FTCDNL1: variants seen among roughly 807,000 people sequenced by gnomAD.
FTCDNL1 encodes the protein formiminotransferase N-terminal subdomain-containing protein.
Under a neutral mutation model 5.9 loss-of-function variants are expected in FTCDNL1, and 11 were observed. The observed-to-expected ratio is 1.87, with a 90% CI of 1.18 to 3.10. The LOEUF is 3.10. Among genes scored for constraint, FTCDNL1 ranks in the 30% most tolerant of loss-of-function variants. The pLI is 0.00. For missense variants in FTCDNL1, 115 were observed against 65.5 expected, an observed-to-expected ratio of 1.76 and a Z score of -2.61; for synonymous variants, 58 against 24.8, an observed-to-expected ratio of 2.34 and a Z score of -3.99.
At chr2:199,753,341 G>A in the FTCDNL1 span, among the ~76,000 whole-genome samples, 13 of 152,210 alleles carry the variant, frequency 8.5e-5, no homozygotes, top group Non-Finnish European at 1.5e-4. Context: ...CAGGAAGATC[G>A]AGAGGAGGTG....
chr2:199,682,091 G>A, the FTCDNL1 span, among the ~76,000 whole-genome samples: 1 of 152,158 alleles, frequency 6.6e-6, no homozygotes, highest in South Asian at 2.1e-4. Flanking sequence ...CAGAAATGTG[G>A]CCAAACACTA....
At chr2:199,722,045 G>A in the FTCDNL1 span, among the ~76,000 whole-genome samples, 20 of 152,262 alleles carry the variant, frequency 1.3e-4, no homozygotes, top group South Asian at 3.9e-3. Context: ...CAGATGGATA[G>A]ACTGCAAGAA....
At chr2:199,829,886 C>A (rs1702259549) in intron 3 of FTCDNL1, among the ~76,000 whole-genome samples, 1 of 152,094 alleles carries the variant, frequency 6.6e-6, no homozygotes, top group Non-Finnish European at 1.5e-5. Flanking sequence ...AAGTTAAATT[C>A]TCTTTTCTGT....
chr2:199,771,204 C>A (rs761356185), intron 3 of FTCDNL1, among the ~76,000 whole-genome samples: 1 of 152,168 alleles, frequency 6.6e-6, no homozygotes, highest in Non-Finnish European at 1.5e-5. Context: ...ATTGTCACTA[C>A]GAGTCAACTA....
intron 3 of FTCDNL1, among the ~76,000 whole-genome samples, chr2:199,773,680 T>C (rs58952852): frequency 0.044 from 6,679 of 152,264 alleles, 344 homozygotes; most frequent in Admixed American, 0.13. Flanking sequence ...TTTAATTGTA[T>C]AGATTGAGTG....
the FTCDNL1 span, among the ~76,000 whole-genome samples, chr2:199,677,411 AG>A: frequency 6.6e-6 from 1 of 152,188 alleles, no homozygotes; most frequent in Non-Finnish European, 1.5e-5. Flanking sequence ...TACAGAAAAA[AG>A]TGATCATGCC....
At chr2:199,836,638 A>G (rs941478100) in intron 3 of FTCDNL1, among the ~76,000 whole-genome samples, 1 of 152,176 alleles carries the variant, frequency 6.6e-6, no homozygotes, top group South Asian at 2.1e-4. Context: ...ATGGTGGTAC[A>G]TGCTGTAGTT....
At chr2:199,747,256 T>C in the FTCDNL1 span, among the ~76,000 whole-genome samples, 1 of 152,134 alleles carries the variant, frequency 6.6e-6, no homozygotes, top group Non-Finnish European at 1.5e-5. Flanking sequence ...AGCTCAAATG[T>C]TCGAAAATTC....
chr2:199,680,251 G>T, the FTCDNL1 span, among the ~76,000 whole-genome samples: 1 of 152,196 alleles, frequency 6.6e-6, no homozygotes, highest in Non-Finnish European at 1.5e-5. Context: ...GCAAACCATT[G>T]TAATGTGATA....
At chr2:199,845,587 A>G (rs1467271049) in intron 3 of FTCDNL1, among the ~76,000 whole-genome samples, 1 of 151,958 alleles carries the variant, frequency 6.6e-6, no homozygotes, top group African/African-American at 2.4e-5. Context: ...AAAAAAGATA[A>G]TCTGTCCTAT....
intron 3 of FTCDNL1, among the ~76,000 whole-genome samples, chr2:199,835,970 CTTTT>C (rs1702709307): frequency 6.6e-6 from 1 of 152,092 alleles, no homozygotes; most frequent in Admixed American, 6.5e-5. Flanking sequence ...CTTAAGAGAC[CTTTT>C]ACCTAGGTGA....
chr2:199,747,258 C>T, the FTCDNL1 span, among the ~76,000 whole-genome samples: 8 of 152,106 alleles, frequency 5.3e-5, no homozygotes, highest in Non-Finnish European at 1.2e-4. Context: ...CTCAAATGTT[C>T]GAAAATTCAT....
chr2:199,717,831 A>G, the FTCDNL1 span, among the ~76,000 whole-genome samples: 9 of 151,978 alleles, frequency 5.9e-5, no homozygotes, highest in African/African-American at 2.2e-4. Flanking sequence ...CCTTGCATAA[A>G]CATCCTTGCC....
downstream of FTCDNL1, among the ~76,000 whole-genome samples, chr2:199,808,529 A>C (rs1411717377): frequency 6.6e-6 from 1 of 152,194 alleles, no homozygotes; most frequent in Non-Finnish European, 1.5e-5. Context: ...TCATCTTTCC[A>C]AATGACACAC....
intron 2 of FTCDNL1, 81 bp downstream of exon 2, chr2:199,848,767 T>C (rs2076796176): frequency 4.7e-6 from 3 of 635,400 alleles, no homozygotes; most frequent in African/African-American, 1.8e-5. Context: ...AAGTGTTCTG[T>C]AGATACAGTG....
the FTCDNL1 span, among the ~76,000 whole-genome samples, chr2:199,685,629 C>G: frequency 6.6e-6 from 1 of 152,026 alleles, no homozygotes; most frequent in Non-Finnish European, 1.5e-5. Context: ...TCTAAGTTAC[C>G]CAGACAAGTT....
intron 3 of FTCDNL1, among the ~76,000 whole-genome samples, chr2:199,840,919 G>A (rs1257606520): frequency 2.0e-5 from 3 of 152,124 alleles, no homozygotes; most frequent in African/African-American, 7.2e-5. Flanking sequence ...TTGAGAGGCT[G>A]AGGTGGGGAT....
At chr2:199,700,874 T>C in the FTCDNL1 span, among the ~76,000 whole-genome samples, 2 of 151,806 alleles carry the variant, frequency 1.3e-5, no homozygotes, top group South Asian at 2.1e-4. Flanking sequence ...TTTCACCATA[T>C]ACAAAAATCA....
the FTCDNL1 span, among the ~76,000 whole-genome samples, chr2:199,734,845 A>G: frequency 1.3e-5 from 2 of 152,238 alleles, no homozygotes; most frequent in Admixed American, 1.3e-4. Context: ...GTGTAAATGA[A>G]TCAGAGACAT....
Sources: gnomAD v4.1 joint callset for allele counts (sites outside exome capture counted in the v4.1 genomes callset) on GRCh38, gnomAD v4.1.1 for gene constraint, MANE v1.5 for transcripts, NCBI Gene and HGNC (gene_info 2026-07-23, HGNC 2026-07-21) for gene names.